Variants in BOC observed in about 807,000 individuals in gnomAD.
BOC encodes BOC cell adhesion associated, oncogene regulated, also known as brother of CDO.
BOC carries 76 observed loss-of-function variants against 112.0 expected under a neutral mutation model. The ratio of observed to expected loss-of-function variants is 0.68; its 90% confidence interval spans 0.56 to 0.82. The LOEUF is 0.82. BOC is among the 40% of genes least tolerant of loss of function. The probability of loss-of-function intolerance (pLI) is 0.00; values close to 1 mark genes in which losing one functional copy is unlikely to be tolerated. For synonymous variants in BOC, 580 were observed against 599.8 expected, an observed-to-expected ratio of 0.97 and a Z score of 0.48; for missense variants, 1,309 against 1,511.7, an observed-to-expected ratio of 0.87 and a Z score of 2.22.
intron 1 of BOC, among the ~76,000 whole-genome samples, chr3:113,215,636 C>T (rs772179911): frequency 1.3e-5 from 2 of 152,182 alleles, no homozygotes; most frequent in Non-Finnish European, 2.9e-5. Flanking sequence ...ACCATCCCAC[C>T]CATTCTCCAT....
At chr3:113,216,085 A>C (rs990898389) in intron 1 of BOC, 102 bp from the exon 2 acceptor site, 18 of 323,392 alleles carry the variant, frequency 5.6e-5, no homozygotes, top group Non-Finnish European at 1.0e-4. Context: ...AAATGTATTG[A>C]TAAGGACTTA....
In BOC at chr3:113,274,345, C is replaced by T; in HGVS notation, c.1235-30C>T. On this transcript the variant is annotated intron_variant, in intron 8 of 19. Transcript: ENST00000682979. This position sits in a 1 kb window ranked among gnomAD's most constrained non-coding sequence, Gnocchi z 4.8. ...TCAGCAGGTAAACCAGGAGACTAACCTTTCCTTCTGCTTCCTGTTGGTCCT... is the reference window on the plus strand; with the variant it reads ...TCAGCAGGTAAACCAGGAGACTAACTTTTCCTTCTGCTTCCTGTTGGTCCT... 6.7e-7 allele frequency: 1 copy of T among 1,488,412 alleles called. No homozygotes were observed. 92.2% of individuals were successfully genotyped at this position (1,488,412 alleles called of 1,614,324 possible). A position where few individuals can be genotyped will look rare whatever the true frequency, so the allele number is the denominator to read the frequency against.
At chr3:113,244,481 CTGGG>C (rs757961764) in intron 2 of BOC, among the ~76,000 whole-genome samples, 1 of 152,086 alleles carries the variant, frequency 6.6e-6, no homozygotes, top group Non-Finnish European at 1.5e-5. Flanking sequence ...TCAGAGTGTT[CTGGG>C]TAGATGTTCC....
rs78738156 is a variant in BOC at position 113,237,122 on chromosome 3, A to G, written c.-81-12600A>G. Among the ~76,000 whole-genome samples the G allele has an allele frequency of 3.9e-3, 601 of 152,272 alleles. 26 individuals carry two copies. The East Asian group carries it at 0.095, about 24-fold the overall frequency. Reference sequence around the variant, plus strand: ...TGTCTATAATAAAATTTGAGATGAGACCTAAAGCCCTTAAGTGATGGAACA... The same window carrying G: ...TGTCTATAATAAAATTTGAGATGAGGCCTAAAGCCCTTAAGTGATGGAACA... On this transcript the variant is annotated intron_variant, in intron 2 of 19. Coordinates refer to ENST00000682979, the MANE Select transcript of BOC (RefSeq NM_001378074.1).
At chr3:113,236,262 G>GTATATACCCA (rs1943446649) in intron 2 of BOC, among the ~76,000 whole-genome samples, 1 of 26,648 alleles carries the variant, frequency 3.8e-5, no homozygotes, top group African/African-American at 1.4e-4. Flanking sequence ...GTGTGTGTGT[G>GTATATACCCA]TGTGTATATA....
At chr3:113,280,123 T>C (rs1320418135) in intron 13 of BOC, 118 bp downstream of exon 13, 3 of 1,122,568 alleles carry the variant, frequency 2.7e-6, no homozygotes, top group Middle Eastern at 2.9e-4. Flanking sequence ...TCAGTGGAAT[T>C]TGGGAGGCTC....
At chr3:113,258,414 T>C (rs919888137) in intron 4 of BOC, among the ~76,000 whole-genome samples, 2 of 152,238 alleles carry the variant, frequency 1.3e-5, no homozygotes, top group African/African-American at 4.8e-5. Context: ...TTCTCATCTC[T>C]TTTCTCTTTG....
chr3:113,219,224 AC>A (rs1164916234), intron 2 of BOC, among the ~76,000 whole-genome samples: 1 of 152,104 alleles, frequency 6.6e-6, no homozygotes, highest in African/African-American at 2.4e-5. Flanking sequence ...GCAGGCTTTC[AC>A]CCCATCGCTT....
rs1949523202 is a variant in BOC, at chr3:113,284,836, C to A, written c.2944C>A (p.Pro982Thr). 1 of 1,614,166 alleles carries A rather than the reference C, an allele frequency of 6.2e-7. No homozygotes were observed. Among genetic ancestry groups the A allele is most frequent in the Non-Finnish European group, 8.5e-7 (1 of 1,180,002 alleles). Residue 982 changes from proline (P) to threonine (T), a missense_variant, in exon 18 of 20, where the codon CCC (proline) becomes ACC (threonine). Physicochemically the swap from Pro to Thr is conservative, Grantham distance 38 (BLOSUM62 -1). Transcript: ENST00000682979. ...GACCCATCTTGGCAATGGATATGACCCCCAAAGTCACCAGATCACGAGGTA... is the reference window on the plus strand; with the variant it reads ...GACCCATCTTGGCAATGGATATGACACCCAAAGTCACCAGATCACGAGGTA... ...RQTHLGNGYD[P>T]QSHQITRGPK...
At chr3:113,228,963 G>A (rs1042795851) in intron 2 of BOC, among the ~76,000 whole-genome samples, 9 of 152,148 alleles carry the variant, frequency 5.9e-5, no homozygotes, top group African/African-American at 2.2e-4. Context: ...GTATGTGTGT[G>A]TGTGTTTTAA....
chr3:113,279,692 T>C (rs1949007785), intron 12 of BOC, 132 bp from the exon 13 acceptor site: 2 of 983,558 alleles, frequency 2.0e-6, no homozygotes, highest in Non-Finnish European at 1.5e-6. Context: ...GGTGTTCTTG[T>C]GAGGCCTTTG....
chr3:113,271,444 A>G (rs1376223525), intron 6 of BOC: 1 of 326,184 alleles, frequency 3.1e-6, no homozygotes, highest in Middle Eastern at 8.6e-4. Flanking sequence ...TGCACAGGAA[A>G]ACAGCAGCTA....
At chr3:113,264,688 AG>A (rs1181136558) in intron 4 of BOC, among the ~76,000 whole-genome samples, 1 of 152,138 alleles carries the variant, frequency 6.6e-6, no homozygotes, top group African/African-American at 2.4e-5. Flanking sequence ...CACTAGAGAA[AG>A]GGGTCCTCTG....
chr3:113,249,656 G>A (rs561344566), intron 2 of BOC, 66 bp from the exon 3 acceptor site: 6 of 609,568 alleles, frequency 9.8e-6, no homozygotes, highest in South Asian at 9.6e-5. Context: ...AAGCCCTGTG[G>A]CCACCACAGG....
rs1441966534 is a variant in BOC at position 113,253,652 on chromosome 3, C to T, written c.376+2819C>T. 2.6e-5 allele frequency among the ~76,000 whole-genome samples: 4 copies of T among 152,104 alleles called. No individual in the cohort carries two copies. In the East Asian group the frequency reaches 7.7e-4, roughly 29 times the overall value. ...ATAACATTTTTCATGTACATCCACC[C>T]ATGTAACCATCCCCAATGTCCCCTC... is the stretch of plus-strand genomic sequence containing the variant. On this transcript the variant is annotated intron_variant, in intron 4 of 19. Coordinates refer to ENST00000682979, the MANE Select transcript of BOC (RefSeq NM_001378074.1).
intron 4 of BOC, among the ~76,000 whole-genome samples, chr3:113,259,051 C>T (rs1218182876): frequency 1.3e-5 from 2 of 152,204 alleles, no homozygotes; most frequent in Non-Finnish European, 2.9e-5. Flanking sequence ...ATTGGCTACA[C>T]TAGTCCTATT....
rs1158940830 is a variant in BOC at position 113,285,462 on chromosome 3, C to T, written c.3057C>T (p.Cys1019=). 1.9e-6 allele frequency: 3 copies of T among 1,614,130 alleles called. No individual in the cohort carries two copies. Among genetic ancestry groups the T allele is most frequent in the Non-Finnish European group, 2.5e-6 (3 of 1,179,998 alleles). The change falls in exon 19 of 20, where the codon TGC becomes TGT. Residue 1019 remains cysteine, a synonymous_variant. Transcript: ENST00000682979. ...THQLLQPHHD[C]CQRQEQPAAV... is the part of the protein sequence containing the mutation. ...AGCTGCTGCAGCCCCATCACGACTG[C>T]TGCCAACGCCAGGAGCAGCCTGCTG...
chr3:113,247,875 C>T (rs1945127773), intron 2 of BOC, among the ~76,000 whole-genome samples: 1 of 152,078 alleles, frequency 6.6e-6, no homozygotes, highest in Non-Finnish European at 1.5e-5. Flanking sequence ...AAAGCTCTCT[C>T]TCTACACCAA....
chr3:113,214,617 A>G (rs1938974067), intron 1 of BOC, among the ~76,000 whole-genome samples: 1 of 152,244 alleles, frequency 6.6e-6, no homozygotes, highest in Non-Finnish European at 1.5e-5. Flanking sequence ...AAGATATTAT[A>G]TATTTGGAAG....
Sources: gnomAD v4.1 joint callset for allele counts (sites outside exome capture counted in the v4.1 genomes callset) on GRCh38, gnomAD v4.1.1 for gene constraint, Gnocchi (gnomAD v3.1) non-coding constraint, MANE v1.5 for transcripts, NCBI Gene and HGNC (gene_info 2026-07-23, HGNC 2026-07-21) for gene names.